The following ONECUT1 variants were observed in gnomAD, a reference collection of about 807,000 sequenced individuals.
ONECUT1 encodes the protein hepatocyte nuclear factor 6.
In ONECUT1, 12 loss-of-function variants were observed where a neutral mutation model predicts 25.6. That is an observed-to-expected ratio of 0.47 (90% confidence interval 0.30 to 0.76). The LOEUF is 0.76. Ranked by LOEUF, ONECUT1 falls within the 30% of genes least tolerant of loss-of-function variation. The pLI is 0.07. For missense variants in ONECUT1, 620 were observed against 651.2 expected (o/e 0.95, Z 0.52); for synonymous variants, 285 against 270.2 (o/e 1.05, Z -0.54).
chr15:52,779,848 T>C (rs371463313), intron 1 of ONECUT1, among the ~76,000 whole-genome samples: 4 of 152,296 alleles, frequency 2.6e-5, no homozygotes, highest in South Asian at 4.1e-4. Context: ...CAGAGGTACT[T>C]AGCGCTCTCC....
At chr15:52,759,687 C>G (rs1159712262) in intron 1 of ONECUT1, among the ~76,000 whole-genome samples, 1 of 152,210 alleles carries the variant, frequency 6.6e-6, no homozygotes. Context: ...CAACCTCTGC[C>G]TCCGTGGGCT....
intron 1 of ONECUT1, among the ~76,000 whole-genome samples, chr15:52,770,013 G>A: frequency 6.6e-6 from 1 of 152,188 alleles, no homozygotes; most frequent in East Asian, 1.9e-4. Flanking sequence ...TTATAAATAA[G>A]GTGAAATGAT....
chr15:52,775,491 A>T (rs180915270), intron 1 of ONECUT1, among the ~76,000 whole-genome samples: 1,771 of 149,922 alleles, frequency 0.012, 33 homozygotes, highest in African/African-American at 0.042. Flanking sequence ...ACACACACAC[A>T]CTCTTAAAGA....
chr15:52,789,811 G>A lies in ONECUT1; in HGVS notation c.74C>T (p.Ala25Val). Residue 25 changes from alanine to valine, a missense_variant, in exon 1 of 2, where the codon GCC (alanine) becomes GTC (valine). By Grantham distance (64) the Ala-to-Val change is moderately conservative. This residue lies in a region of ONECUT1 where 440 missense variants were observed against 404.9 expected (regional missense o/e 1.09). Coordinates refer to ENST00000305901, the MANE Select transcript of ONECUT1 (RefSeq NM_004498.4). The surrounding 1 kb of genome is among the most constrained non-coding windows in gnomAD (Gnocchi z 4.1). Reference sequence around the variant, plus strand: ...GTGGGGGCTGCCGCCCAGCAGGTCGGCAGGGGCGGGCACCGGCTCATGGCT... The same window carrying A: ...GTGGGGGCTGCCGCCCAGCAGGTCGACAGGGGCGGGCACCGGCTCATGGCT... ...GVSHEPVPAP[A>V]DLLGGSPHAR... The A allele has an allele frequency of 6.6e-7, 1 of 1,516,626 alleles. No individual in the cohort carries two copies. The highest frequency in any genetic ancestry group is 8.7e-7 in the Non-Finnish European group (1 of 1,144,044). The allele number at this position is 1,516,626 out of a possible 1,614,324, so 93.9% of individuals were successfully genotyped here. A position where few individuals can be genotyped will look rare whatever the true frequency, so the allele number is the denominator to read the frequency against.
Position 52,755,386 on chromosome 15 carries a change from T to C in ONECUT1, c.*2169A>G, listed in dbSNP as rs1056584067. On this transcript the variant is annotated 3_prime_UTR_variant, in exon 2 of 2. Coordinates refer to ENST00000305901, the MANE Select transcript of ONECUT1 (RefSeq NM_004498.4). The stretch of plus-strand genomic sequence containing the variant: ...ATGGTCTCTTTCAATAGCTGAACTA[T>C]AATTGTGCCATATTTAGAAGGGAAA... Among the ~76,000 whole-genome samples, 2 of 152,252 alleles carry C rather than the reference T, an allele frequency of 1.3e-5. No homozygotes were observed. Among genetic ancestry groups the C allele is most frequent in the Non-Finnish European group, 2.9e-5 (2 of 68,042 alleles).
Position 52,763,794 on chromosome 15 carries a change from C to T in ONECUT1, c.1106-5947G>A, listed in dbSNP as rs114546523. 2.9e-3 allele frequency among the ~76,000 whole-genome samples: 447 copies of T among 152,244 alleles called. 5 individuals are homozygous for T. Among genetic ancestry groups the T allele is most frequent in the African/African-American group, 0.011 (439 of 41,544 alleles). On this transcript the variant is annotated intron_variant, in intron 1 of 1. Coordinates refer to ENST00000305901, the MANE Select transcript of ONECUT1 (RefSeq NM_004498.4). ...TCTGTGAACCACTACTGACCTGCAA[C>T]GAGGTCAGTAAAAAATATTGAGAAT...
intron 1 of ONECUT1, chr15:52,780,665 T>C (rs2083835163): frequency 6.5e-7 from 1 of 1,533,980 alleles, no homozygotes; most frequent in Non-Finnish European, 8.7e-7. Context: ...CGCACTTCAG[T>C]CGCAGAATCT....
intron 1 of ONECUT1, among the ~76,000 whole-genome samples, chr15:52,771,629 T>C (rs1031428326): frequency 2.9e-4 from 43 of 149,594 alleles, no homozygotes; most frequent in African/African-American, 9.6e-4. Context: ...TATTAACAGA[T>C]GTAATTTTGA....
intron 1 of ONECUT1, among the ~76,000 whole-genome samples, chr15:52,778,120 G>A (rs1331267107): frequency 6.6e-6 from 1 of 152,078 alleles, no homozygotes; most frequent in Non-Finnish European, 1.5e-5. Context: ...CAAACAATAT[G>A]TATCATATAT....
rs1183294823 is a variant in ONECUT1, at chr15:52,789,003, G to A, written c.882C>T (p.Thr294=). ...TGGTGATACGCTGCGCCACCTCTTT[G>A]GTATTGATCTCTTCCATCTGCCCTG... The part of the protein sequence containing the change: ...SNSGQMEEIN[T]KEVAQRITTE... Residue 294 remains threonine (T), a synonymous_variant, in exon 1 of 2, where the codon ACC becomes ACT. Coordinates refer to ENST00000305901, the MANE Select transcript of ONECUT1 (RefSeq NM_004498.4). This position sits in a 1 kb window ranked among gnomAD's most constrained non-coding sequence, Gnocchi z 4.1. 3 of 1,610,236 alleles carry A rather than the reference G, an allele frequency of 1.9e-6. No homozygotes were observed. The African/African-American group carries it at 4.0e-5, about 21-fold the overall frequency.
intron 1 of ONECUT1, among the ~76,000 whole-genome samples, chr15:52,777,731 C>CAAAAAAAAAAAA (rs1370694948): frequency 2.4e-5 from 2 of 84,232 alleles, no homozygotes; most frequent in African/African-American, 8.1e-5. Flanking sequence ...CACACACACA[C>CAAAAAAAAAAAA]ACACACAAAA....
At chr15:52,776,795 T>C (rs2083804019) in intron 1 of ONECUT1, among the ~76,000 whole-genome samples, 1 of 152,230 alleles carries the variant, frequency 6.6e-6, no homozygotes, top group Non-Finnish European at 1.5e-5. Flanking sequence ...CTCAGCCTAG[T>C]GCCTGGCACA....
chr15:52,759,127 G>C, intron 1 of ONECUT1, among the ~76,000 whole-genome samples: 1 of 152,182 alleles, frequency 6.6e-6, no homozygotes, highest in South Asian at 2.1e-4. Context: ...AAGATGGACG[G>C]GGCATGCTTC....
chr15:52,755,850 G>C lies in ONECUT1; in HGVS notation c.*1705C>G, dbSNP rs1163620174. 2.0e-5 allele frequency among the ~76,000 whole-genome samples: 3 copies of C among 152,092 alleles called. No homozygotes were observed. The highest frequency in any genetic ancestry group is 4.4e-5 in the Non-Finnish European group (3 of 68,040). ...CAGAGAGAATTTTTCTGGGAATCAA[G>C]TGATTCACTGGGGTACCACTAATAC... On this transcript the variant is annotated 3_prime_UTR_variant, in exon 2 of 2. Coordinates refer to ENST00000305901, the MANE Select transcript of ONECUT1 (RefSeq NM_004498.4).
intron 1 of ONECUT1, among the ~76,000 whole-genome samples, chr15:52,783,372 G>C (rs1202811127): frequency 1.3e-5 from 2 of 152,196 alleles, no homozygotes; most frequent in African/African-American, 4.8e-5. Flanking sequence ...TTCCCGGCTG[G>C]GCCTAGCGCC....
At chr15:52,760,238 C>T (rs8032625) in intron 1 of ONECUT1, among the ~76,000 whole-genome samples, 14,574 of 152,102 alleles carry the variant, frequency 0.096, 1,246 homozygotes, top group African/African-American at 0.24. Context: ...TTATAGACAT[C>T]CTGAGCCAGG....
chr15:52,764,640 A>G (rs2083723733), intron 1 of ONECUT1, among the ~76,000 whole-genome samples: 1 of 152,340 alleles, frequency 6.6e-6, no homozygotes, highest in Admixed American at 6.5e-5. Flanking sequence ...TCCTAACATC[A>G]TCGCAGAGAA....
At chr15:52,775,452 AACACACACACAC>A (rs139797470) in intron 1 of ONECUT1, among the ~76,000 whole-genome samples, 3,953 of 141,022 alleles carry the variant, frequency 0.028, 68 homozygotes, top group African/African-American at 0.044. Context: ...TTTAAAGAGG[AACACACACACAC>A]ACACACACAC....
At chr15:52,785,727 T>C (rs2083870492) in intron 1 of ONECUT1, 1 of 152,312 alleles carries the variant, frequency 6.6e-6, no homozygotes, top group Non-Finnish European at 1.5e-5. Context: ...GAGAACCCTG[T>C]CGCTCTGCTC....
Sources: gnomAD v4.1 joint callset for allele counts (sites outside exome capture counted in the v4.1 genomes callset) on GRCh38, gnomAD v4.1.1 for gene constraint, gnomAD v4.1.1 regional missense constraint, Gnocchi (gnomAD v3.1) non-coding constraint, MANE v1.5 for transcripts, NCBI Gene and HGNC (gene_info 2026-07-23, HGNC 2026-07-21) for gene names.